The following CSRP3 variants were observed in gnomAD, a reference collection of about 807,000 sequenced individuals.
The protein encoded by CSRP3 is cysteine and glycine-rich protein 3.
CSRP3 carries 24 observed loss-of-function variants against 24.3 expected under a neutral mutation model. That is an observed-to-expected ratio of 0.99 (90% CI 0.71 to 1.39). The LOEUF (loss-of-function observed/expected upper bound fraction) is 1.39, where lower values mean the gene tolerates loss of function less well. Among genes scored for constraint, CSRP3 ranks in the 40% most tolerant of loss-of-function variants. The probability of loss-of-function intolerance (pLI) is 0.00; values close to 1 mark genes in which losing one functional copy is unlikely to be tolerated. For missense variants in CSRP3, 240 were observed against 249.0 expected (o/e 0.96, Z 0.24); for synonymous variants, 105 against 94.0 (o/e 1.12, Z -0.68).
Position 19,188,216 on chromosome 11 carries a change from G to A in CSRP3, c.201C>T (p.Gly67=), listed in dbSNP as rs557643642. ...CTTGTCCATACCCGATCCCTTTGGG[G>A]CCATATCTGCGCCCATAGCACACCT... The part of the protein sequence containing the change: ...YCKVCYGRRY[G]PKGIGYGQGA... The change falls in exon 3 of 6, where the codon GGC becomes GGT. Residue 67 remains glycine, a synonymous_variant. Coordinates refer to ENST00000265968, the MANE Select transcript of CSRP3 (RefSeq NM_003476.5). 6 of 1,613,694 alleles carry A rather than the reference G, an allele frequency of 3.7e-6. No individual in the cohort carries two copies. The East Asian group carries it at 1.1e-4, about 30-fold the overall frequency.
intron 1 of CSRP3, among the ~76,000 whole-genome samples, chr11:19,200,901 G>C (rs1364514208): frequency 6.6e-6 from 1 of 152,094 alleles, no homozygotes; most frequent in African/African-American, 2.4e-5. Context: ...CCTCCCTCCA[G>C]CCCTGACATA....
chr11:19,191,051 A>G lies in CSRP3; in HGVS notation c.112+1286T>C, dbSNP rs554938796. ...GATCAAAGGAGAATACAGGCCTAGAAGGCTGGATTTCCATATCAAGACCCC... is the reference window on the plus strand; with the variant it reads ...GATCAAAGGAGAATACAGGCCTAGAGGGCTGGATTTCCATATCAAGACCCC... On this transcript the variant is annotated intron_variant, in intron 2 of 5. Coordinates refer to ENST00000265968, the MANE Select transcript of CSRP3 (RefSeq NM_003476.5). Among the ~76,000 whole-genome samples the G allele has an allele frequency of 9.8e-5, 15 of 152,320 alleles. No homozygotes were observed. The East Asian group carries it at 2.9e-3, about 29-fold the overall frequency.
chr11:19,192,524 T>C, intron 1 of CSRP3, 48 bp from the exon 2 acceptor site: 1 of 1,168,612 alleles, frequency 8.6e-7, no homozygotes, highest in African/African-American at 1.5e-5. Context: ...GCCCCAGGAG[T>C]GAACCAATCT....
chr11:19,198,136 C>T (rs1216947439), intron 1 of CSRP3, among the ~76,000 whole-genome samples: 1 of 152,198 alleles, frequency 6.6e-6, no homozygotes, highest in Non-Finnish European at 1.5e-5. Context: ...ATACTTACAA[C>T]AGCTGCCCAG....
At chr11:19,184,800 G>A (rs938523277) in intron 5 of CSRP3, 152 bp downstream of exon 5, 8 of 704,728 alleles carry the variant, frequency 1.1e-5, no homozygotes, top group African/African-American at 8.8e-5. Context: ...CTCCCCTTAG[G>A]TGGTTTTGCT....
intron 1 of CSRP3, among the ~76,000 whole-genome samples, chr11:19,192,747 C>T (rs1402334094): frequency 1.3e-5 from 2 of 152,076 alleles, no homozygotes; most frequent in African/African-American, 4.8e-5. Flanking sequence ...TCACAGGGCT[C>T]CCGGAAGGAA....
In CSRP3 at chr11:19,182,583, G is replaced by T; in HGVS notation, c.*87C>A. ...ACATAATGTACGACTACAAAGGAGA[G>T]GCTATTTGGGGAAAGGTATCGATCT... On this transcript the variant is annotated 3_prime_UTR_variant, in exon 6 of 6. Coordinates refer to ENST00000265968, the MANE Select transcript of CSRP3 (RefSeq NM_003476.5). The T allele has an allele frequency of 9.4e-7, 1 of 1,062,010 alleles. No homozygotes were observed. The highest frequency in any genetic ancestry group is 1.2e-5 in the South Asian group (1 of 80,078). The allele number at this position is 1,062,010 out of a possible 1,614,324, so 65.8% of individuals were successfully genotyped here. A position where few individuals can be genotyped will look rare whatever the true frequency, so the allele number is the denominator to read the frequency against.
At chr11:19,196,124 G>A (rs1030940620) in intron 1 of CSRP3, among the ~76,000 whole-genome samples, 7 of 152,248 alleles carry the variant, frequency 4.6e-5, no homozygotes, top group Non-Finnish European at 8.8e-5. Flanking sequence ...TCAGCTGGGC[G>A]TGGTGGCATG....
At chr11:19,191,632 G>T (rs986009269) in intron 2 of CSRP3, among the ~76,000 whole-genome samples, 4 of 152,198 alleles carry the variant, frequency 2.6e-5, no homozygotes, top group African/African-American at 9.7e-5. Context: ...CATGACCCGG[G>T]CTTAGATGTG....
At chr11:19,185,474 T>C (rs1003623683) in intron 4 of CSRP3, among the ~76,000 whole-genome samples, 1 of 152,244 alleles carries the variant, frequency 6.6e-6, no homozygotes, top group African/African-American at 2.4e-5. Flanking sequence ...TTAATTCCTC[T>C]GTGTAATTCT....
chr11:19,184,117 C>G (rs1248937403), intron 5 of CSRP3, among the ~76,000 whole-genome samples: 1 of 152,180 alleles, frequency 6.6e-6, no homozygotes, highest in African/African-American at 2.4e-5. Flanking sequence ...TGAGAACAGA[C>G]TAATACAGCA....
intron 1 of CSRP3, among the ~76,000 whole-genome samples, chr11:19,197,388 CCCTTCCTT>C (rs869090928): frequency 0.057 from 607 of 10,580 alleles, 22 homozygotes; most frequent in East Asian, 0.16. Context: ...CTCCCTCCCT[CCCTTCCTT>C]CCTTCCTTCC....
Position 19,182,836 on chromosome 11 carries a change from T to C in CSRP3, c.509-90A>G, listed in dbSNP as rs1850459527. 5.4e-6 allele frequency: 5 copies of C among 919,060 alleles called. No individual in the cohort carries two copies. In the Admixed American group the frequency reaches 8.8e-5, roughly 16 times the overall value. 56.9% of individuals were successfully genotyped at this position (919,060 alleles called of 1,614,324 possible). A position where few individuals can be genotyped will look rare whatever the true frequency, so the allele number is the denominator to read the frequency against. On this transcript the variant is annotated intron_variant, in intron 5 of 5. Coordinates refer to ENST00000265968, the MANE Select transcript of CSRP3 (RefSeq NM_003476.5). ...TTCTGTCTGAGCACAGTCCTTTTAA[T>C]TATTAGAGACATCCTTTTGATAGAT...
chr11:19,183,660 C>T (rs9888225), intron 5 of CSRP3, among the ~76,000 whole-genome samples: 24,180 of 152,042 alleles, frequency 0.16, 2,354 homozygotes, highest in African/African-American at 0.28. Context: ...TATTTTAGGG[C>T]ATTATGAGCT....
rs774359383 is a variant in CSRP3, at chr11:19,182,672, A to G, written c.583T>C (p.Ter195ArgextTer33). Residue 195 changes from the stop codon to arginine, a stop_lost, in exon 6 of 6, where the codon TGA becomes CGA. Coordinates refer to ENST00000265968, the MANE Select transcript of CSRP3 (RefSeq NM_003476.5). ...GLTQQVEKKE[*>R] is the part of the protein sequence containing the mutation. ...AATCTGAGAAACGGCGCACCTCTTC[A>G]TTCTTTCTTTTCCACTTGTTGTGTA... is the stretch of plus-strand genomic sequence containing the variant. 1.2e-6 allele frequency: 2 copies of G among 1,614,100 alleles called. No homozygotes were observed. The highest frequency in any genetic ancestry group is 8.5e-7 in the Non-Finnish European group (1 of 1,179,952).
chr11:19,188,824 G>C (rs1850573852), intron 2 of CSRP3, among the ~76,000 whole-genome samples: 1 of 152,094 alleles, frequency 6.6e-6, no homozygotes, highest in Non-Finnish European at 1.5e-5. Context: ...TCAAATTCTG[G>C]AAGCAGAGGA....
chr11:19,186,758 C>G (rs1325116895), intron 3 of CSRP3, among the ~76,000 whole-genome samples: 1 of 152,186 alleles, frequency 6.6e-6, no homozygotes, highest in East Asian at 1.9e-4. Context: ...GTGAAAATTA[C>G]AGAGCAAGGT....
chr11:19,199,506 C>T (rs1850800636), intron 1 of CSRP3, among the ~76,000 whole-genome samples: 1 of 152,164 alleles, frequency 6.6e-6, no homozygotes, highest in African/African-American at 2.4e-5. Context: ...ACTCTTTGTT[C>T]TATTTTGACC....
At chr11:19,194,020 A>G (rs1380902082) in intron 1 of CSRP3, among the ~76,000 whole-genome samples, 1 of 152,180 alleles carries the variant, frequency 6.6e-6, no homozygotes, top group East Asian at 1.9e-4. Context: ...GTGTGTCATG[A>G]CATGGAGCAC....
Sources: allele counts gnomAD v4.1 joint callset (sites outside exome capture counted in the v4.1 genomes callset), GRCh38; gene constraint gnomAD v4.1.1; transcripts MANE v1.5; gene names NCBI Gene and HGNC (gene_info 2026-07-23, HGNC 2026-07-21).